SLC4A5: variants seen among roughly 807,000 people sequenced by gnomAD.
SLC4A5 encodes the protein electrogenic sodium bicarbonate cotransporter 4.
Under a neutral mutation model 120.4 loss-of-function variants are expected in SLC4A5, and 96 were observed. The observed-to-expected ratio is 0.80, with a 90% CI of 0.68 to 0.94. The LOEUF is 0.94. SLC4A5 is among the 40% of genes least tolerant of loss of function. The probability of loss-of-function intolerance (pLI) is 0.00; values close to 1 mark genes in which losing one functional copy is unlikely to be tolerated. For synonymous variants in SLC4A5, 550 were observed against 571.1 expected, an observed-to-expected ratio of 0.96 and a Z score of 0.53; for missense variants, 1,259 against 1,459.5, an observed-to-expected ratio of 0.86 and a Z score of 2.24.
intron 5 of SLC4A5, among the ~76,000 whole-genome samples, chr2:74,317,540 A>G (rs1672998221): frequency 6.6e-6 from 1 of 152,186 alleles, no homozygotes; most frequent in African/African-American, 2.4e-5. Context: ...TTAAATCCTC[A>G]GGTCTCTCCT....
At chr2:74,252,281 C>T in exon 16 of SLC4A5, 1 of 1,611,938 alleles carries the variant, frequency 6.2e-7, no homozygotes. Flanking sequence ...AGCCCCGCCG[C>T]CACTGCCACC....
chr2:74,231,348 T>A, intron 24 of SLC4A5, 40 bp from the exon 25 acceptor site: 1 of 1,591,624 alleles, frequency 6.3e-7, no homozygotes, highest in Admixed American at 1.7e-5. Context: ...TACCAGGAAA[T>A]GCCTGGCAAC....
At chr2:74,279,718 C>T (rs1475739950) in intron 8 of SLC4A5, among the ~76,000 whole-genome samples, 8 of 152,104 alleles carry the variant, frequency 5.3e-5, no homozygotes, top group African/African-American at 1.9e-4. Flanking sequence ...TATCAACTGC[C>T]CCCAAAACAA....
intron 6 of SLC4A5, among the ~76,000 whole-genome samples, chr2:74,306,314 C>T (rs1672642368): frequency 1.3e-5 from 2 of 152,178 alleles, no homozygotes; most frequent in South Asian, 2.1e-4. Flanking sequence ...ATGTTAGCCC[C>T]AGGATAACTG....
At chr2:74,260,812 C>T (rs1671110847) in intron 11 of SLC4A5, among the ~76,000 whole-genome samples, 1 of 152,200 alleles carries the variant, frequency 6.6e-6, no homozygotes, top group South Asian at 2.1e-4. Context: ...TTCAAGCTTC[C>T]CAGGGGTTCC....
At chr2:74,321,249 C>T (rs1320748056) in intron 5 of SLC4A5, among the ~76,000 whole-genome samples, 3 of 152,200 alleles carry the variant, frequency 2.0e-5, no homozygotes, top group African/African-American at 7.2e-5. Context: ...GCTCCAGCCA[C>T]AGTAGCACTA....
chr2:74,237,324 A>G (rs1187220938), intron 21 of SLC4A5, among the ~76,000 whole-genome samples: 1 of 152,214 alleles, frequency 6.6e-6, no homozygotes, highest in Non-Finnish European at 1.5e-5. Flanking sequence ...TTGTTGGCAC[A>G]AGAATTTCAT....
chr2:74,277,570 A>T (rs1254926183), intron 8 of SLC4A5, among the ~76,000 whole-genome samples: 1 of 152,346 alleles, frequency 6.6e-6, no homozygotes, highest in African/African-American at 2.4e-5. Context: ...AATAAAAAAA[A>T]AAATAAAGTA....
intron 12 of SLC4A5, among the ~76,000 whole-genome samples, chr2:74,256,160 TTTCCTTGACTAAGACA>T (rs1268184666): frequency 5.3e-5 from 8 of 152,206 alleles, no homozygotes; most frequent in African/African-American, 1.9e-4. Flanking sequence ...TGGCAACGAC[TTTCCTTGACTAAGACA>T]TTCCTTGACG....
At chr2:74,290,622 T>TGTGAGAGA (rs377193951) in intron 7 of SLC4A5, 1 of 720,892 alleles carries the variant, frequency 1.4e-6, no homozygotes, top group African/African-American at 2.3e-5. Flanking sequence ...GACAGAGAAG[T>TGTGAGAGA]GAGAGAGAGA....
chr2:74,236,684 A>G (rs181754228), intron 21 of SLC4A5, among the ~76,000 whole-genome samples: 13 of 152,322 alleles, frequency 8.5e-5, no homozygotes, highest in Non-Finnish European at 1.5e-4. Flanking sequence ...TTTCTATAAT[A>G]TTCCTAGCAT....
At chr2:74,219,437 G>A (rs918599062) in intron 30 of SLC4A5, among the ~76,000 whole-genome samples, 1 of 150,294 alleles carries the variant, frequency 6.7e-6, no homozygotes, top group African/African-American at 2.5e-5. Context: ...ATTAAGCATC[G>A]CACCTGGTAG....
At chr2:74,248,761 G>A (rs950476383) in intron 17 of SLC4A5, among the ~76,000 whole-genome samples, 2 of 152,196 alleles carry the variant, frequency 1.3e-5, no homozygotes, top group African/African-American at 4.8e-5. Context: ...GCTTTTCTCT[G>A]TGTCCATTCT....
intron 29 of SLC4A5, among the ~76,000 whole-genome samples, chr2:74,222,224 C>T (rs1296108228): frequency 6.6e-6 from 1 of 152,144 alleles, no homozygotes; most frequent in East Asian, 1.9e-4. Flanking sequence ...GCCTGGTGGG[C>T]CATGTTTGGA....
chr2:74,324,859 T>C (rs1325482001), intron 5 of SLC4A5, among the ~76,000 whole-genome samples: 1 of 152,096 alleles, frequency 6.6e-6, no homozygotes, highest in Non-Finnish European at 1.5e-5. Context: ...TCAGAATTCT[T>C]CCCAGGACAT....
intron 27 of SLC4A5, among the ~76,000 whole-genome samples, chr2:74,226,525 C>T (rs1004531441): frequency 6.6e-6 from 1 of 152,188 alleles, no homozygotes; most frequent in Non-Finnish European, 1.5e-5. Context: ...CTCTGACCCT[C>T]GTTCTTCCCC....
At chr2:74,327,062 A>G (rs1461457626) in intron 5 of SLC4A5, among the ~76,000 whole-genome samples, 2 of 152,226 alleles carry the variant, frequency 1.3e-5, no homozygotes, top group Non-Finnish European at 2.9e-5. Flanking sequence ...TTGAGTATCC[A>G]CTTTGTTCCA....
intron 7 of SLC4A5, among the ~76,000 whole-genome samples, chr2:74,293,678 G>A (rs928413684): frequency 5.3e-5 from 8 of 152,202 alleles, no homozygotes; most frequent in African/African-American, 1.7e-4. Flanking sequence ...TCTTCGTTTT[G>A]CTTTGGGACT....
chr2:74,254,503 G>T, intron 14 of SLC4A5, 116 bp downstream of exon 14: 1 of 777,570 alleles, frequency 1.3e-6, no homozygotes, highest in Non-Finnish European at 2.3e-6. Flanking sequence ...CCTATGTAGT[G>T]CCTGGTACAC....
Sources: allele counts gnomAD v4.1 joint callset (sites outside exome capture counted in the v4.1 genomes callset), GRCh38; gene constraint gnomAD v4.1.1; transcripts MANE v1.5; gene names NCBI Gene and HGNC (gene_info 2026-07-23, HGNC 2026-07-21).